Variants in PRSS38 observed in about 807,000 individuals in gnomAD.
PRSS38 encodes serine protease 38, also known as marapsin 2.
In PRSS38, 22 loss-of-function variants were observed where a neutral mutation model predicts 26.8. That is an observed-to-expected ratio of 0.82 (90% CI 0.59 to 1.17). The LOEUF (loss-of-function observed/expected upper bound fraction) is 1.17, where lower values mean the gene tolerates loss of function less well. PRSS38 is among the 50% of genes most tolerant of loss of function. The pLI is 0.00. For synonymous variants in PRSS38, 175 were observed against 172.1 expected, an observed-to-expected ratio of 1.02 and a Z score of -0.13; for missense variants, 427 against 422.7, an observed-to-expected ratio of 1.01 and a Z score of -0.09.
intron 3 of PRSS38, among the ~76,000 whole-genome samples, chr1:227,822,004 T>C (rs1665009914): frequency 6.6e-6 from 1 of 152,148 alleles, no homozygotes; most frequent in Non-Finnish European, 1.5e-5. Context: ...TCTCTTAGGC[T>C]CTCTTTACTT....
chr1:227,827,454 G>T (rs994841965), intron 3 of PRSS38, among the ~76,000 whole-genome samples: 3 of 151,956 alleles, frequency 2.0e-5, no homozygotes, highest in Admixed American at 2.0e-4. Flanking sequence ...TTCTTTTCTA[G>T]ATTTTTTTAG....
intron 3 of PRSS38, among the ~76,000 whole-genome samples, chr1:227,824,448 AT>A (rs975878443): frequency 1.3e-5 from 2 of 151,946 alleles, no homozygotes; most frequent in African/African-American, 2.4e-5. Context: ...CATGTACCAC[AT>A]TTTTTTATCC....
intron 2 of PRSS38, among the ~76,000 whole-genome samples, 191 bp from the exon 3 acceptor site, chr1:227,817,018 C>A (rs1376448528): frequency 6.6e-6 from 1 of 152,192 alleles, no homozygotes; most frequent in Non-Finnish European, 1.5e-5. Context: ...CCAGAGCCTC[C>A]ATGGGCCAAG....
intron 3 of PRSS38, among the ~76,000 whole-genome samples, chr1:227,828,836 C>T (rs573270143): frequency 9.9e-5 from 15 of 152,262 alleles, no homozygotes; most frequent in African/African-American, 2.6e-4. Flanking sequence ...CCTGGGTCTC[C>T]GTGTGTGCCT....
rs1471804257 is a variant in PRSS38, at chr1:227,816,349, C to T, written c.311+97C>T. The T allele has an allele frequency of 7.6e-7, 1 of 1,324,492 alleles. No homozygotes were observed. Among genetic ancestry groups the T allele is most frequent in the Non-Finnish European group, 1.0e-6 (1 of 955,984 alleles). The allele number at this position is 1,324,492 out of a possible 1,614,324, so 82.0% of individuals were successfully genotyped here. ...ACCCCACGCAAGCCTCCCCCATCAC[C>T]ATTGTCGACTCCCTTCACCACTGTC... On this transcript the variant is annotated intron_variant, in intron 2 of 4. Coordinates refer to ENST00000366757, the Ensembl canonical transcript of PRSS38. The surrounding 1 kb of genome is among the most constrained non-coding windows in gnomAD (Gnocchi z 5.1).
At chr1:227,823,471 A>G (rs1185631511) in intron 3 of PRSS38, among the ~76,000 whole-genome samples, 3 of 152,140 alleles carry the variant, frequency 2.0e-5, no homozygotes, top group Non-Finnish European at 4.4e-5. Context: ...CTATATTGAC[A>G]TAGTTTGGAT....
intron 3 of PRSS38, among the ~76,000 whole-genome samples, chr1:227,820,307 G>C (rs1299458909): frequency 6.7e-6 from 1 of 150,308 alleles, no homozygotes; most frequent in Non-Finnish European, 1.5e-5. Flanking sequence ...TCTTTTCCTT[G>C]TCTAAATTAT....
intron 3 of PRSS38, among the ~76,000 whole-genome samples, chr1:227,840,557 G>A (rs1038098626): frequency 1.3e-5 from 2 of 152,078 alleles, no homozygotes; most frequent in African/African-American, 4.8e-5. Context: ...TTTACATATT[G>A]TCTCTGGCTA....
At chr1:227,830,810 GT>G (rs1416723381) in intron 3 of PRSS38, among the ~76,000 whole-genome samples, 2 of 151,846 alleles carry the variant, frequency 1.3e-5, no homozygotes, top group African/African-American at 4.8e-5. Context: ...CGGCCTTAAG[GT>G]ATCTAATTTG....
intron 3 of PRSS38, among the ~76,000 whole-genome samples, chr1:227,832,924 C>G (rs1385434883): frequency 2.6e-5 from 4 of 152,144 alleles, no homozygotes; most frequent in African/African-American, 9.6e-5. Context: ...GAAAATTGTT[C>G]CATCTGCAAT....
At chr1:227,834,783 T>C (rs562673572) in intron 3 of PRSS38, among the ~76,000 whole-genome samples, 1 of 152,252 alleles carries the variant, frequency 6.6e-6, no homozygotes, top group African/African-American at 2.4e-5. Context: ...TGAGCCAAGA[T>C]TGCACCACTG....
chr1:227,825,766 G>A (rs12760868), intron 3 of PRSS38, among the ~76,000 whole-genome samples: 4,700 of 152,256 alleles, frequency 0.031, 90 homozygotes, highest in Non-Finnish European at 0.05. Context: ...GTACCATGCT[G>A]TTTTGGTTAC....
intron 3 of PRSS38, among the ~76,000 whole-genome samples, chr1:227,835,421 A>G (rs1481342074): frequency 1.3e-5 from 2 of 152,062 alleles, no homozygotes; most frequent in East Asian, 1.9e-4. Context: ...TGTTAAACAT[A>G]GAATTACCCT....
chr1:227,845,592 A>C, exon 4 of PRSS38: 1 of 1,613,752 alleles, frequency 6.2e-7, no homozygotes, highest in Non-Finnish European at 8.5e-7. Context: ...GGACATCCTG[A>C]ATGCTAAGAC....
chr1:227,816,150 A>G lies in PRSS38; in HGVS notation c.209A>G (p.Lys70Arg). The G allele has an allele frequency of 6.2e-7, 1 of 1,613,772 alleles. No individual in the cohort carries two copies. The highest frequency in any genetic ancestry group is 8.5e-7 in the Non-Finnish European group (1 of 1,179,914). Residue 70 changes from lysine to arginine, a missense_variant, in exon 2 of 5, where the codon AAG (lysine) becomes AGG (arginine). Coordinates refer to ENST00000366757, the Ensembl canonical transcript of PRSS38. This position sits in a 1 kb window ranked among gnomAD's most constrained non-coding sequence, Gnocchi z 5.1. ...GGCGGCGTCCCTGCGCCCGAGAGGAAGTGGCCGTGGCAGGTCAGCGTGCAC... is the reference window on the plus strand; with the variant it reads ...GGCGGCGTCCCTGCGCCCGAGAGGAGGTGGCCGTGGCAGGTCAGCGTGCAC...
chr1:227,822,081 C>T (rs745714327), intron 3 of PRSS38, among the ~76,000 whole-genome samples: 1 of 152,070 alleles, frequency 6.6e-6, no homozygotes, highest in African/African-American at 2.4e-5. Flanking sequence ...TTCAAGTTCA[C>T]CTATGCTCTC....
At chr1:227,834,500 C>A (rs970058898) in intron 3 of PRSS38, among the ~76,000 whole-genome samples, 1 of 152,050 alleles carries the variant, frequency 6.6e-6, no homozygotes, top group African/African-American at 2.4e-5. Context: ...GAAACTCAGT[C>A]TCTACAAAAA....
intron 3 of PRSS38, among the ~76,000 whole-genome samples, chr1:227,829,779 G>A (rs1281972938): frequency 6.6e-6 from 1 of 152,118 alleles, no homozygotes; most frequent in Non-Finnish European, 1.5e-5. Flanking sequence ...TTACTTTCCA[G>A]TGTGGGTAGG....
rs142782845 is a variant in PRSS38 at position 227,840,985 on chromosome 1, G to A, written c.584-4485G>A. Among the ~76,000 whole-genome samples, 44 of 152,284 alleles carry A rather than the reference G, an allele frequency of 2.9e-4. No individual in the cohort carries two copies. The East Asian group carries it at 8.5e-3, about 29-fold the overall frequency. On this transcript the variant is annotated intron_variant, in intron 3 of 4. Coordinates refer to ENST00000366757, the Ensembl canonical transcript of PRSS38. ...CACCAGCTTCCAAAACCAAGACGACGTTTTTGGTATTTTAGAGAAGCCTCT... is the reference window on the plus strand; with the variant it reads ...CACCAGCTTCCAAAACCAAGACGACATTTTTGGTATTTTAGAGAAGCCTCT...
Sources: gnomAD v4.1 joint callset for allele counts (sites outside exome capture counted in the v4.1 genomes callset) on GRCh38, gnomAD v4.1.1 for gene constraint, Gnocchi (gnomAD v3.1) non-coding constraint, MANE v1.5 for transcripts, NCBI Gene and HGNC (gene_info 2026-07-23, HGNC 2026-07-21) for gene names.